Variants in KIAA0586 observed in about 807,000 individuals in gnomAD.
KIAA0586 encodes protein TALPID3.
In KIAA0586, 144 loss-of-function variants were observed where a neutral mutation model predicts 169.8. The observed-to-expected ratio is 0.85, with a 90% CI of 0.74 to 0.97. The LOEUF (loss-of-function observed/expected upper bound fraction) is 0.97, where lower values mean the gene tolerates loss of function less well. Ranked by LOEUF, KIAA0586 falls within the 50% of genes least tolerant of loss-of-function variation. The pLI is 0.00. For missense variants in KIAA0586, 1,854 were observed against 1,823.0 expected (o/e 1.02, Z -0.31); for synonymous variants, 625 against 612.4 (o/e 1.02, Z -0.30).
intron 29 of KIAA0586, among the ~76,000 whole-genome samples, chr14:58,514,275 T>G (rs1044503441): frequency 3.9e-5 from 6 of 151,918 alleles, no homozygotes; most frequent in African/African-American, 1.4e-4. Flanking sequence ...GAAGTCAGAG[T>G]GCCAAAATAA....
In KIAA0586 at chr14:58,549,764, A is replaced by G. The variant is rs1012887543; in HGVS notation, c.*1832A>G. 1.3e-5 allele frequency: 2 copies of G among 151,954 alleles called. No homozygotes were observed. Among genetic ancestry groups the G allele is most frequent in the Admixed American group, 6.6e-5 (1 of 15,236 alleles). The allele number at this position is 151,954 out of a possible 1,614,324, so 9.4% of individuals were successfully genotyped here. On this transcript the variant is annotated 3_prime_UTR_variant, in exon 31 of 31. Transcript: ENST00000652326. ...AGTGCTGCTTCATTTTAAACATGACACCCCACCCCCCAACCTTGGTTTCTG... is the reference window on the plus strand; with the variant it reads ...AGTGCTGCTTCATTTTAAACATGACGCCCCACCCCCCAACCTTGGTTTCTG...
chr14:58,448,486 C>T lies in KIAA0586; in HGVS notation c.954C>T (p.Ser318=). 8 of 1,602,648 alleles carry T rather than the reference C, an allele frequency of 5.0e-6. No homozygotes were observed. The highest frequency in any genetic ancestry group is 6.8e-6 in the Non-Finnish European group (8 of 1,174,062). Residue 318 remains serine, a synonymous_variant, in exon 7 of 31, where the codon TCC becomes TCT. Transcript: ENST00000652326. ...CATCTTTATATAACACATTTGCTTC[C>T]AAACAAGGTAAAAATATGTAGTTCT... ...CNPSLYNTFA[S]KQAPLKEVED... is the part of the protein sequence containing the mutation.
At chr14:58,471,268 CTCAT>C (rs770290594) in intron 17 of KIAA0586, among the ~76,000 whole-genome samples, 5 of 81,260 alleles carry the variant, frequency 6.2e-5, no homozygotes, top group Non-Finnish European at 1.4e-4. Flanking sequence ...TTGTGAAACT[CTCAT>C]GTGAAGAAAG....
chr14:58,450,788 T>TG, intron 8 of KIAA0586, 42 bp downstream of exon 8: 2 of 1,316,878 alleles, frequency 1.5e-6, no homozygotes, highest in Non-Finnish European at 2.1e-6. Context: ...ATTAGGAAAT[T>TG]GTCATGAGAT....
In KIAA0586 at chr14:58,547,762, G is replaced by T; in HGVS notation, c.4496-19G>T. The T allele has an allele frequency of 6.2e-7, 1 of 1,602,562 alleles. No individual in the cohort carries two copies. The highest frequency in any genetic ancestry group is 1.1e-5 in the South Asian group (1 of 90,652). ...TCAGGTTACGCATGTTGAGCTGAAT[G>T]AGCTTCTCCTTTGTGCAGGTGGGAA... On this transcript the variant is annotated intron_variant, in intron 30 of 30. Coordinates refer to ENST00000652326, the MANE Select transcript of KIAA0586 (RefSeq NM_001329943.3).
At chr14:58,513,569 C>T (rs1292652959) in intron 29 of KIAA0586, among the ~76,000 whole-genome samples, 1 of 150,460 alleles carries the variant, frequency 6.6e-6, no homozygotes, top group African/African-American at 2.5e-5. Flanking sequence ...AGAACTTTGT[C>T]CTCCTGACCC....
intron 18 of KIAA0586, among the ~76,000 whole-genome samples, chr14:58,473,258 A>G (rs78637222): frequency 1.5e-3 from 226 of 152,222 alleles, no homozygotes; most frequent in African/African-American, 5.1e-3. Flanking sequence ...ATTTGCTTCA[A>G]AATGATATGT....
chr14:58,512,563 C>G lies in KIAA0586; in HGVS notation c.4365C>G (p.His1455Gln), dbSNP rs1051498929. The G allele has an allele frequency of 4.5e-6, 7 of 1,544,222 alleles. No homozygotes were observed. The highest frequency in any genetic ancestry group is 6.1e-6 in the Non-Finnish European group (7 of 1,153,552). Residue 1455 changes from histidine to glutamine, a missense_variant, in exon 29 of 31, where the codon CAC (histidine) becomes CAG (glutamine). Physicochemically the swap from His to Gln is conservative, Grantham distance 24. Transcript: ENST00000652326. ...KQNQDVKQVE[H>Q]KPSQSYLRVR... ...ATCAGGATGTTAAGCAAGTTGAACA[C>G]AAACCATCACAAAGTTACCTACGTG...
Position 58,474,762 on chromosome 14 carries a change from G to A in KIAA0586, c.2790G>A (p.Glu930=). The A allele has an allele frequency of 6.2e-7, 1 of 1,608,932 alleles. No homozygotes were observed. Residue 930 remains glutamate (E), a synonymous_variant, in exon 19 of 31, where the codon GAG becomes GAA. Coordinates refer to ENST00000652326, the MANE Select transcript of KIAA0586 (RefSeq NM_001329943.3). ...PTADILDKVI[E]RKETLENSLI... is the part of the protein sequence containing the mutation. ...CTGATATTCTGGATAAAGTAATTGA[G>A]AGAAAAGAAACACTGGAAAATAGCT...
intron 9 of KIAA0586, among the ~76,000 whole-genome samples, chr14:58,454,426 A>C (rs560221959): frequency 1.3e-5 from 2 of 152,200 alleles, no homozygotes; most frequent in Non-Finnish European, 2.9e-5. Flanking sequence ...TAAATCAGAT[A>C]GGAAAAGAAA....
At chr14:58,561,610 T>TA in the KIAA0586 span, among the ~76,000 whole-genome samples, 3 of 152,234 alleles carry the variant, frequency 2.0e-5, no homozygotes, top group Non-Finnish European at 4.4e-5. Flanking sequence ...TTATTTTATT[T>TA]AATTATCCAC....
intron 4 of KIAA0586, among the ~76,000 whole-genome samples, chr14:58,436,993 G>T (rs964371873): frequency 6.6e-6 from 1 of 152,134 alleles, no homozygotes; most frequent in Admixed American, 6.6e-5. Flanking sequence ...AAGTTTTAAA[G>T]AATTAGATAT....
the KIAA0586 span, among the ~76,000 whole-genome samples, chr14:58,557,427 T>C: frequency 6.6e-6 from 1 of 152,180 alleles, no homozygotes; most frequent in Non-Finnish European, 1.5e-5. Flanking sequence ...GAGTGCTGCC[T>C]AGAAGTAACA....
intron 29 of KIAA0586, among the ~76,000 whole-genome samples, chr14:58,515,285 C>T (rs1003896918): frequency 2.0e-5 from 3 of 151,814 alleles, no homozygotes; most frequent in Non-Finnish European, 2.9e-5. Flanking sequence ...GGTGTAATTG[C>T]TGTTATTTGT....
In KIAA0586 at chr14:58,488,526, A is replaced by G. The variant is rs369049957; in HGVS notation, c.3528-95A>G. On this transcript the variant is annotated intron_variant, in intron 23 of 30. Transcript: ENST00000652326. Reference sequence around the variant, plus strand: ...TGCAGATTTAAAAAAATATTTTGCTAAAGGAGACATAGTCTTCGAGTCTGT... The same window carrying G: ...TGCAGATTTAAAAAAATATTTTGCTGAAGGAGACATAGTCTTCGAGTCTGT... 15 of 1,399,288 alleles carry G rather than the reference A, an allele frequency of 1.1e-5. No individual in the cohort carries two copies. The African/African-American group carries it at 1.4e-4, about 13-fold the overall frequency. 86.7% of individuals were successfully genotyped at this position (1,399,288 alleles called of 1,614,324 possible).
At chr14:58,441,319 G>C (rs1268047380) in intron 4 of KIAA0586, 1 of 445,064 alleles carries the variant, frequency 2.2e-6, no homozygotes, top group Non-Finnish European at 4.5e-6. Flanking sequence ...TCCCACCTCA[G>C]CCTCCCGAGT....
rs562879526 is a variant in KIAA0586 at position 58,498,119 on chromosome 14, C to T, written c.3991-664C>T. Among the ~76,000 whole-genome samples, 100 of 151,896 alleles carry T rather than the reference C, an allele frequency of 6.6e-4. 1 individual carries two copies. The highest frequency in any genetic ancestry group is 2.1e-3 in the African/African-American group (85 of 41,408). On this transcript the variant is annotated intron_variant, in intron 26 of 30. Transcript: ENST00000652326. ...GTCTTGATCTCCTGACCTTGTGATCCGCCGCCTCGGCCTCCCAAAGTGCTG... is the reference window on the plus strand; with the variant it reads ...GTCTTGATCTCCTGACCTTGTGATCTGCCGCCTCGGCCTCCCAAAGTGCTG...
intron 29 of KIAA0586, among the ~76,000 whole-genome samples, chr14:58,525,505 C>T (rs533006904): frequency 3.3e-4 from 50 of 152,200 alleles, no homozygotes; most frequent in Admixed American, 1.1e-3. Flanking sequence ...GGGACTGTGC[C>T]GTGAGAAACG....
intron 8 of KIAA0586, among the ~76,000 whole-genome samples, chr14:58,452,699 T>C (rs2039491755): frequency 6.6e-6 from 1 of 152,188 alleles, no homozygotes; most frequent in African/African-American, 2.4e-5. Context: ...CTTACTTGTT[T>C]ATGTATTTTT....
Sources: gnomAD v4.1 joint callset for allele counts (sites outside exome capture counted in the v4.1 genomes callset) on GRCh38, gnomAD v4.1.1 for gene constraint, MANE v1.5 for transcripts, NCBI Gene and HGNC (gene_info 2026-07-23, HGNC 2026-07-21) for gene names.